The following GC variants were observed in gnomAD, a reference collection of about 807,000 sequenced individuals.
GC encodes GC vitamin D binding protein, also known as vitamin D-binding protein.
GC carries 43 observed loss-of-function variants against 56.7 expected under a neutral mutation model. The observed-to-expected ratio is 0.76, with a 90% CI of 0.59 to 0.98. GC has a LOEUF of 0.98. GC is among the 50% of genes least tolerant of loss of function. GC has a pLI of 0.00. For synonymous variants in GC, 216 were observed against 202.7 expected (o/e 1.07, Z -0.56); for missense variants, 529 against 545.9 (o/e 0.97, Z 0.31).
chr4:71,744,805 A>G (rs1229671886), intron 12 of GC, among the ~76,000 whole-genome samples: 1 of 152,036 alleles, frequency 6.6e-6, no homozygotes, highest in Non-Finnish European at 1.5e-5. Context: ...GGATTGAGAT[A>G]AAGGAAAGAT....
chr4:71,758,173 T>C lies in GC; in HGVS notation c.702-2A>G. 1 of 1,610,742 alleles carries C rather than the reference T, an allele frequency of 6.2e-7. No homozygotes were observed. The highest frequency in any genetic ancestry group is 8.5e-7 in the Non-Finnish European group (1 of 1,178,054). ...TTTTGGGCTAACTTTATGAGATTGC[T>C]AAACAGTTAAAAATAAATATGTTAG... On this transcript the variant is annotated splice_acceptor_variant, in intron 6 of 12. Transcript: ENST00000273951. LOFTEE classifies it high-confidence loss of function.
intron 11 of GC, among the ~76,000 whole-genome samples, 161 bp from the exon 12 acceptor site, chr4:71,746,366 A>T (rs1288007636): frequency 2.0e-5 from 3 of 151,332 alleles, no homozygotes; most frequent in Non-Finnish European, 2.9e-5. Context: ...CACCCTTTGC[A>T]TTTATTTAGC....
At chr4:71,798,598 G>C (rs1424867898) in intron 1 of GC, among the ~76,000 whole-genome samples, 1 of 152,098 alleles carries the variant, frequency 6.6e-6, no homozygotes, top group African/African-American at 2.4e-5. Flanking sequence ...ACCTCTAACT[G>C]GGGGGACTCA....
Position 71,758,114 on chromosome 4 carries a change from T to G in GC, c.759A>C (p.Pro253=). The change falls in exon 7 of 13, where the codon CCA becomes CCC. Residue 253 remains proline (P), a synonymous_variant. Coordinates refer to ENST00000273951, the MANE Select transcript of GC (RefSeq NM_000583.4). ...GGATGTTAGTAATATCTTCAGCTAG[T>G]GGCAAAACATCCTCCAGATCAGCAG... is the stretch of plus-strand genomic sequence containing the variant. ...VPTADLEDVL[P]LAEDITNILS... is the part of the protein sequence containing the mutation. 1 of 1,613,272 alleles carries G rather than the reference T, an allele frequency of 6.2e-7. No homozygotes were observed. The highest frequency in any genetic ancestry group is 8.5e-7 in the Non-Finnish European group (1 of 1,179,276).
intron 1 of GC, among the ~76,000 whole-genome samples, chr4:71,800,234 C>G (rs750332250): frequency 2.0e-5 from 3 of 152,162 alleles, no homozygotes; most frequent in Non-Finnish European, 2.9e-5. Flanking sequence ...TCTCCCTCCC[C>G]TCACCCTCCC....
At chr4:71,756,679 A>G (rs751011867) in intron 8 of GC, 33 bp downstream of exon 8, 4 of 1,492,566 alleles carry the variant, frequency 2.7e-6, no homozygotes, top group South Asian at 1.1e-5. Context: ...TGAACTTAAA[A>G]TGGGAAAACG....
rs188011181 is a variant in GC, at chr4:71,793,258, G to A, written c.22-9204C>T. On this transcript the variant is annotated intron_variant, in intron 1 of 13. Coordinates refer to the GC transcript ENST00000504199. ...TCTATAAATTACCTTGGGCAGTATG[G>A]CCATTTTCACAATATTGATTCTTCC... is the stretch of plus-strand genomic sequence containing the variant. 8.1e-4 allele frequency among the ~76,000 whole-genome samples: 123 copies of A among 152,224 alleles called. 1 individual carries two copies. The East Asian group carries it at 0.021, about 26-fold the overall frequency.
upstream of GC, chr4:71,784,211 TA>T (rs1742775382): frequency 2.4e-6 from 3 of 1,273,246 alleles, no homozygotes; most frequent in Non-Finnish European, 2.0e-6. Context: ...CCAAAAGAGA[TA>T]AAATAATATC....
intron 1 of GC, among the ~76,000 whole-genome samples, chr4:71,774,432 T>C (rs222025): frequency 1 from 151,233 of 151,952 alleles, 75,263 homozygotes; most frequent in Middle Eastern, 1. Context: ...CTCCATGCAT[T>C]TCATCCCACC....
At chr4:71,770,910 G>C (rs1742321280) in intron 1 of GC, among the ~76,000 whole-genome samples, 1 of 152,184 alleles carries the variant, frequency 6.6e-6, no homozygotes, top group Admixed American at 6.5e-5. Flanking sequence ...CTACAGGGAA[G>C]AGCTAGTTAC....
chr4:71,785,512 A>G (rs1193059651), upstream of GC, among the ~76,000 whole-genome samples: 2 of 151,770 alleles, frequency 1.3e-5, no homozygotes, highest in Non-Finnish European at 2.9e-5. Context: ...TTCTATCTAT[A>G]CTGAAAATCC....
intron 1 of GC, among the ~76,000 whole-genome samples, chr4:71,773,012 G>C (rs1010310048): frequency 6.6e-6 from 1 of 152,006 alleles, no homozygotes; most frequent in African/African-American, 2.4e-5. Context: ...CCATTCCATG[G>C]AATACTGCTT....
At chr4:71,797,722 G>A (rs1170707897) in intron 1 of GC, among the ~76,000 whole-genome samples, 1 of 152,198 alleles carries the variant, frequency 6.6e-6, no homozygotes, top group South Asian at 2.1e-4. Flanking sequence ...TACCGCAGTT[G>A]GAAGTGCAGA....
chr4:71,764,945 GTGTTTA>G (rs1334931573), intron 4 of GC, among the ~76,000 whole-genome samples: 3 of 152,104 alleles, frequency 2.0e-5, no homozygotes, highest in Non-Finnish European at 4.4e-5. Context: ...TTAAGGTTAC[GTGTTTA>G]CTTGATGTAG....
chr4:71,766,046 G>A (rs1479791003), intron 3 of GC, among the ~76,000 whole-genome samples: 2 of 152,254 alleles, frequency 1.3e-5, no homozygotes, highest in East Asian at 3.9e-4. Flanking sequence ...TGCTGTAAAT[G>A]CCCCAATAAG....
At chr4:71,755,191 C>T (rs1259367173) in intron 8 of GC, 84 bp from the exon 9 acceptor site, 1 of 233,060 alleles carries the variant, frequency 4.3e-6, no homozygotes, top group African/African-American at 3.2e-5. Context: ...GTGACAGAGT[C>T]TCCCTCTGTC....
intron 1 of GC, among the ~76,000 whole-genome samples, chr4:71,791,432 A>G (rs1329194141): frequency 1.3e-5 from 2 of 152,018 alleles, no homozygotes; most frequent in Non-Finnish European, 2.9e-5. Context: ...ATCCTCAGAT[A>G]TGCACTGTAT....
chr4:71,756,673 C>T (rs757423906), intron 8 of GC, 39 bp downstream of exon 8: 2 of 1,473,552 alleles, frequency 1.4e-6, no homozygotes. Flanking sequence ...TCCAGATGAA[C>T]TTAAAATGGG....
At position 71,754,450 on chromosome 4, in the gene GC, G is replaced by T; in HGVS notation, c.1223C>A (p.Ala408Glu). ...SFIDKGQELC[A>E]DYSENTFTEY... is the part of the protein sequence containing the mutation. ...AGTAAATGTATTTTCTGAATAATCT[G>T]CACATAGTTCTTGTCCCTTGTCAAT... Residue 408 changes from alanine (A) to glutamate (E), a missense_variant, in exon 10 of 13, where the codon GCA becomes GAA. Coordinates refer to ENST00000273951, the MANE Select transcript of GC (RefSeq NM_000583.4). 1.3e-6 allele frequency: 2 copies of T among 1,590,360 alleles called. No individual in the cohort carries two copies. The highest frequency in any genetic ancestry group is 1.7e-6 in the Non-Finnish European group (2 of 1,159,406).
Sources: gnomAD v4.1 joint callset for allele counts (sites outside exome capture counted in the v4.1 genomes callset) on GRCh38, gnomAD v4.1.1 for gene constraint, MANE v1.5 for transcripts, NCBI Gene and HGNC (gene_info 2026-07-23, HGNC 2026-07-21) for gene names.